The following ASB15 variants were observed in gnomAD, a reference collection of about 807,000 sequenced individuals.
ASB15 encodes ankyrin repeat and SOCS box containing 15, also known as ankyrin repeat and SOCS box protein 15.
In ASB15, 54 loss-of-function variants were observed where a neutral mutation model predicts 58.0. That is an observed-to-expected ratio of 0.93 (90% CI 0.75 to 1.17). ASB15 has a LOEUF of 1.17. ASB15 is among the 50% of genes most tolerant of loss of function. The pLI, the probability that ASB15 is intolerant of heterozygous loss-of-function variation, is 0.00. For missense variants in ASB15, 680 were observed against 707.4 expected (o/e 0.96, Z 0.44); for synonymous variants, 249 against 262.4 (o/e 0.95, Z 0.50).
At chr7:123,586,941 ATATCTT>A (rs1328597091) in intron 1 of ASB15, among the ~76,000 whole-genome samples, 5 of 151,022 alleles carry the variant, frequency 3.3e-5, no homozygotes, top group African/African-American at 1.2e-4. Flanking sequence ...CTTGTTTACT[ATATCTT>A]TGTCTTTGTA....
chr7:123,586,134 A>C (rs1053087171), intron 1 of ASB15, among the ~76,000 whole-genome samples: 1 of 151,766 alleles, frequency 6.6e-6, no homozygotes, highest in African/African-American at 2.4e-5. Context: ...TTTATTTTAA[A>C]TTTTTTGAGG....
chr7:123,582,583 C>G lies in ASB15; in HGVS notation c.-443+15495C>G, dbSNP rs565677990. Among the ~76,000 whole-genome samples, 4 of 152,066 alleles carry G rather than the reference C, an allele frequency of 2.6e-5. No homozygotes were observed. The South Asian group carries it at 8.3e-4, about 32-fold the overall frequency. On this transcript the variant is annotated intron_variant, in intron 1 of 13. Transcript: ENST00000451558. ...GCAAGAGTAAATGATCAGCATTCCC[C>G]CCAGATATGCCATTTTCCCTCAGAT...
intron 1 of ASB15, among the ~76,000 whole-genome samples, chr7:123,585,724 C>A (rs1314203375): frequency 6.6e-6 from 1 of 151,510 alleles, no homozygotes; most frequent in African/African-American, 2.4e-5. Flanking sequence ...TTATCATTAA[C>A]TATAGTTACC....
intron 8 of ASB15, 58 bp downstream of exon 8, chr7:123,624,872 T>C (rs1801668636): frequency 3.3e-6 from 5 of 1,523,500 alleles, no homozygotes; most frequent in Non-Finnish European, 4.4e-6. Flanking sequence ...ACTCTCCTTT[T>C]CTCCATTCAT....
chr7:123,570,384 T>C (rs1467684719), intron 1 of ASB15, among the ~76,000 whole-genome samples: 2 of 152,046 alleles, frequency 1.3e-5, no homozygotes, highest in Non-Finnish European at 2.9e-5. Context: ...TTTTTGACTA[T>C]ATCACCCACC....
At chr7:123,575,871 AT>A (rs1188312585) in intron 1 of ASB15, among the ~76,000 whole-genome samples, 4 of 149,906 alleles carry the variant, frequency 2.7e-5, no homozygotes, top group Admixed American at 1.3e-4. Context: ...TCCATATCAA[AT>A]TTTTGGTTAC....
Position 123,616,205 on chromosome 7 carries a change from T to G in ASB15, c.108-16T>G. ...ACTAGTATCTAGTATAAATATTATTTTTCTTTATCTCATAGATTTGTACCC... is the reference window on the plus strand; with the variant it reads ...ACTAGTATCTAGTATAAATATTATTGTTCTTTATCTCATAGATTTGTACCC... On this transcript the variant is annotated splice_polypyrimidine_tract_variant and intron_variant, in intron 4 of 11. Coordinates refer to ENST00000451215, the MANE Select transcript of ASB15 (RefSeq NM_001290258.2). The G allele has an allele frequency of 6.4e-7, 1 of 1,563,172 alleles. No individual in the cohort carries two copies. The highest frequency in any genetic ancestry group is 8.8e-7 in the Non-Finnish European group (1 of 1,134,796).
chr7:123,591,112 C>T (rs969902793), intron 1 of ASB15, among the ~76,000 whole-genome samples: 1 of 151,778 alleles, frequency 6.6e-6, no homozygotes, highest in South Asian at 2.1e-4. Flanking sequence ...TCTGTTCTTG[C>T]TGTATAGGAA....
At chr7:123,625,000 C>G (rs1038738416) in intron 8 of ASB15, 186 bp downstream of exon 8, 1 of 660,864 alleles carries the variant, frequency 1.5e-6, no homozygotes, top group Non-Finnish European at 2.5e-6. Context: ...CTCAGCTAAG[C>G]CCTATACATT....
chr7:123,594,746 C>A (rs1263118606), intron 1 of ASB15, among the ~76,000 whole-genome samples: 1 of 152,252 alleles, frequency 6.6e-6, no homozygotes, highest in East Asian at 1.9e-4. Context: ...GGGTCAGGGA[C>A]CCACTTAAGG....
intron 7 of ASB15, among the ~76,000 whole-genome samples, chr7:123,622,553 C>G (rs1240649744): frequency 6.6e-6 from 1 of 152,048 alleles, no homozygotes; most frequent in Non-Finnish European, 1.5e-5. Flanking sequence ...TTGAAGATGG[C>G]CCATTTATGC....
chr7:123,607,824 C>T (rs893091215), intron 2 of ASB15, among the ~76,000 whole-genome samples: 5 of 152,140 alleles, frequency 3.3e-5, no homozygotes, highest in African/African-American at 1.2e-4. Flanking sequence ...AAGGATAGGG[C>T]TTTTAAAAAT....
chr7:123,623,205 C>T (rs958445311), intron 7 of ASB15: 5 of 151,978 alleles, frequency 3.3e-5, no homozygotes, highest in East Asian at 1.9e-4. Context: ...TGGAGCTAGC[C>T]GTATTAACTG....
intron 2 of ASB15, among the ~76,000 whole-genome samples, chr7:123,607,756 G>A (rs1344865857): frequency 3.3e-5 from 5 of 152,134 alleles, no homozygotes; most frequent in South Asian, 2.1e-4. Context: ...CAAAGTCCTC[G>A]GATTACAGGC....
rs6955219 is a variant in ASB15 at position 123,569,486 on chromosome 7, C to T, written c.-443+2398C>T. Among the ~76,000 whole-genome samples, 1,039 of 152,210 alleles carry T rather than the reference C, an allele frequency of 6.8e-3. 13 individuals are homozygous for T. Among genetic ancestry groups the T allele is most frequent in the African/African-American group, 0.024 (997 of 41,514 alleles). On this transcript the variant is annotated intron_variant, in intron 1 of 13. Coordinates refer to the ASB15 transcript ENST00000451558. Reference sequence around the variant, plus strand: ...TGTGATCCTATGTGGCCTTAAAATGCTATTGCATGCATTTTTAATAGTTAG... The same window carrying T: ...TGTGATCCTATGTGGCCTTAAAATGTTATTGCATGCATTTTTAATAGTTAG...
At chr7:123,620,212 C>G (rs1801145124) in intron 7 of ASB15, 2 of 151,952 alleles carry the variant, frequency 1.3e-5, no homozygotes, top group South Asian at 4.2e-4. Context: ...CAGATTTTGT[C>G]ACAATGCCAC....
intron 3 of ASB15, chr7:123,614,146 C>A: frequency 4.4e-6 from 1 of 228,554 alleles, no homozygotes; most frequent in Non-Finnish European, 8.4e-6. Flanking sequence ...ATGTTATGTA[C>A]ACACTCTCCA....
At chr7:123,587,511 C>T (rs1034547984) in intron 1 of ASB15, among the ~76,000 whole-genome samples, 3 of 151,110 alleles carry the variant, frequency 2.0e-5, no homozygotes, top group Non-Finnish European at 4.4e-5. Context: ...TAACTTCTTC[C>T]TTTTCTATTT....
rs77457420 is a variant in ASB15 at position 123,633,601 on chromosome 7, G to A, written c.1595-3208G>A. 6.8e-3 allele frequency among the ~76,000 whole-genome samples: 1,018 copies of A among 149,938 alleles called. 13 individuals are homozygous for A. Among genetic ancestry groups the A allele is most frequent in the African/African-American group, 0.024 (977 of 40,244 alleles). On this transcript the variant is annotated intron_variant, in intron 11 of 11. Coordinates refer to ENST00000451215, the MANE Select transcript of ASB15 (RefSeq NM_001290258.2). The stretch of plus-strand genomic sequence containing the variant: ...TTATCTTGAAAGCATCTGTGTGCAT[G>A]TGGATTATGCTGAGTGTGTGTGTGT...
Sources: gnomAD v4.1 joint callset for allele counts (sites outside exome capture counted in the v4.1 genomes callset) on GRCh38, gnomAD v4.1.1 for gene constraint, MANE v1.5 for transcripts, NCBI Gene and HGNC (gene_info 2026-07-23, HGNC 2026-07-21) for gene names.